Variants in SPAG17 observed in about 807,000 individuals in gnomAD.
SPAG17 encodes sperm associated antigen 17, also known as sperm-associated antigen 17.
A neutral mutation model predicts 273.6 loss-of-function variants in SPAG17; 169 were observed. The observed-to-expected ratio is 0.62, with a 90% CI of 0.55 to 0.70. The LOEUF is 0.70. SPAG17 is among the 30% of genes least tolerant of loss of function. The probability of loss-of-function intolerance (pLI) is 0.00; values close to 1 mark genes in which losing one functional copy is unlikely to be tolerated. For synonymous variants in SPAG17, 825 were observed against 873.2 expected (o/e 0.94, Z 0.97); for missense variants, 2,557 against 2,627.8 (o/e 0.97, Z 0.59).
At chr1:118,042,458 G>C (rs966279578) in intron 20 of SPAG17, among the ~76,000 whole-genome samples, 19 of 152,006 alleles carry the variant, frequency 1.2e-4, no homozygotes, top group African/African-American at 4.6e-4. Flanking sequence ...AACATTCCTG[G>C]GATAAAATAA....
intron 17 of SPAG17, among the ~76,000 whole-genome samples, chr1:118,067,797 T>C (rs1050356311): frequency 6.6e-6 from 1 of 152,182 alleles, no homozygotes; most frequent in African/African-American, 2.4e-5. Flanking sequence ...CTCATCCCTG[T>C]TTTCCAACTC....
chr1:118,134,305 C>A (rs1658218141), intron 3 of SPAG17, among the ~76,000 whole-genome samples: 1 of 152,068 alleles, frequency 6.6e-6, no homozygotes, highest in African/African-American at 2.4e-5. Flanking sequence ...GCTAACATCA[C>A]AGTATGTGGA....
chr1:118,078,598 T>G (rs1654292827), intron 15 of SPAG17, among the ~76,000 whole-genome samples: 1 of 152,124 alleles, frequency 6.6e-6, no homozygotes, highest in Non-Finnish European at 1.5e-5. Flanking sequence ...TCTTGCTTGT[T>G]GGCATACACC....
In SPAG17 at chr1:118,025,247, T is replaced by A. The variant is rs1346888300; in HGVS notation, c.3900A>T (p.Gly1300=). Residue 1300 remains glycine (G), a synonymous_variant, in exon 27 of 49, where the codon GGA becomes GGT. Transcript: ENST00000336338. ...TAACACATTCTTTTACCTGTGTGGA[T>A]CCATCCAACATATATTTGACAACAG... is the stretch of plus-strand genomic sequence containing the variant. The part of the protein sequence containing the change: ...QGTVVKYMLD[G]STQILFADGA... 6.2e-7 allele frequency: 1 copy of A among 1,613,374 alleles called. No individual in the cohort carries two copies. Among genetic ancestry groups the A allele is most frequent in the Non-Finnish European group, 8.5e-7 (1 of 1,179,678 alleles).
intron 40 of SPAG17, among the ~76,000 whole-genome samples, chr1:117,987,423 T>C (rs991156274): frequency 6.6e-6 from 1 of 152,212 alleles, no homozygotes; most frequent in African/African-American, 2.4e-5. Context: ...TTCTTTTCTC[T>C]TTGACAAGAC....
chr1:117,955,390 T>C (rs867748915), intron 48 of SPAG17: 15 of 1,604,172 alleles, frequency 9.4e-6, no homozygotes, highest in Middle Eastern at 1.7e-4. Flanking sequence ...ATTTTTGTAA[T>C]CTGTCAGCAA....
intron 32 of SPAG17, among the ~76,000 whole-genome samples, chr1:118,002,680 A>G (rs1658430243): frequency 6.6e-6 from 1 of 151,922 alleles, no homozygotes; most frequent in African/African-American, 2.4e-5. Context: ...TTTGCTTGGT[A>G]GATCTTCCTC....
chr1:118,148,809 G>A (rs566645614), intron 3 of SPAG17, among the ~76,000 whole-genome samples: 76 of 152,218 alleles, frequency 5.0e-4, no homozygotes, highest in Admixed American at 4.2e-3. Context: ...GCCACCACTC[G>A]CAACTACCAT....
intron 13 of SPAG17, among the ~76,000 whole-genome samples, chr1:118,085,538 GCACACA>G (rs372317004): frequency 6.7e-6 from 1 of 149,604 alleles, no homozygotes; most frequent in Non-Finnish European, 1.5e-5. Flanking sequence ...GTGCGCGCGC[GCACACA>G]CACACACACA....
At position 118,030,578 on chromosome 1, in the gene SPAG17, C is replaced by T. The variant is rs778014273; in HGVS notation, c.3609+1114G>A. On this transcript the variant is annotated intron_variant, in intron 25 of 48. Coordinates refer to ENST00000336338, the MANE Select transcript of SPAG17 (RefSeq NM_206996.4). ...CATGCATTAGGTATTTGTCCTAATG[C>T]TCTCCTGCTCCTTGCCCTTGACCCC... Among the ~76,000 whole-genome samples, 74 of 152,054 alleles carry T rather than the reference C, an allele frequency of 4.9e-4. 2 individuals are homozygous for T. The highest frequency in any genetic ancestry group is 2.2e-4 in the Non-Finnish European group (15 of 68,020).
intron 28 of SPAG17, among the ~76,000 whole-genome samples, chr1:118,019,468 A>C (rs1660296767): frequency 6.6e-6 from 1 of 152,248 alleles, no homozygotes; most frequent in South Asian, 2.1e-4. Context: ...TAGAAGTAAA[A>C]AAAAAATAAA....
intron 1 of SPAG17, among the ~76,000 whole-genome samples, chr1:118,162,235 C>T (rs1659964230): frequency 6.6e-6 from 1 of 151,986 alleles, no homozygotes; most frequent in Non-Finnish European, 1.5e-5. Context: ...CATATTGATT[C>T]CCTAATAGAG....
chr1:117,995,545 G>A (rs1340581070), intron 34 of SPAG17, among the ~76,000 whole-genome samples: 1 of 151,952 alleles, frequency 6.6e-6, no homozygotes, highest in Non-Finnish European at 1.5e-5. Context: ...GTCAGTCAGA[G>A]TCCCCCATAT....
intron 10 of SPAG17, among the ~76,000 whole-genome samples, chr1:118,089,218 A>G (rs910417509): frequency 6.6e-6 from 1 of 152,170 alleles, no homozygotes; most frequent in Non-Finnish European, 1.5e-5. Context: ...TGACACTTCT[A>G]CTGGAGACCC....
At chr1:118,007,181 C>T (rs1332637300) in intron 31 of SPAG17, among the ~76,000 whole-genome samples, 2 of 152,100 alleles carry the variant, frequency 1.3e-5, no homozygotes, top group East Asian at 3.9e-4. Context: ...AAATTTATAT[C>T]TATGTTTTCT....
intron 44 of SPAG17, 102 bp downstream of exon 44, chr1:117,973,323 A>C (rs1446457290): frequency 1.4e-6 from 2 of 1,432,084 alleles, no homozygotes; most frequent in Non-Finnish European, 1.9e-6. Flanking sequence ...AATCAGAATT[A>C]CATAAAATCT....
At chr1:118,022,579 C>T (rs927464881) in intron 28 of SPAG17, among the ~76,000 whole-genome samples, 1 of 152,092 alleles carries the variant, frequency 6.6e-6, no homozygotes, top group African/African-American at 2.4e-5. Context: ...AGGAAGTAGA[C>T]ATTTTCATGT....
intron 28 of SPAG17, among the ~76,000 whole-genome samples, chr1:118,018,999 A>C (rs1660238181): frequency 7.0e-6 from 1 of 142,698 alleles, no homozygotes; most frequent in Non-Finnish European, 1.5e-5. Flanking sequence ...ATGCCACCAC[A>C]CTCCAGCCTG....
chr1:118,055,674 A>G, intron 19 of SPAG17, 59 bp downstream of exon 19: 1 of 1,342,224 alleles, frequency 7.5e-7, no homozygotes. Context: ...TGATTAAATT[A>G]AGAGAGAGAA....
Sources: gnomAD v4.1 joint callset for allele counts (sites outside exome capture counted in the v4.1 genomes callset) on GRCh38, gnomAD v4.1.1 for gene constraint, MANE v1.5 for transcripts, NCBI Gene and HGNC (gene_info 2026-07-23, HGNC 2026-07-21) for gene names.